Variants in KL observed in about 807,000 individuals in gnomAD.
KL encodes the protein klotho.
A neutral mutation model predicts 84.2 loss-of-function variants in KL; 62 were observed. That is an observed-to-expected ratio of 0.74 (90% CI 0.60 to 0.91). The LOEUF is 0.91. KL is among the 40% of genes least tolerant of loss of function. KL has a pLI of 0.00. For synonymous variants in KL, 528 were observed against 528.0 expected (o/e 1.00, Z 0.00); for missense variants, 1,261 against 1,305.7 (o/e 0.97, Z 0.53).
chr13:33,022,981 T>A (rs1212662225), intron 1 of KL, among the ~76,000 whole-genome samples: 1 of 152,224 alleles, frequency 6.6e-6, no homozygotes, highest in Non-Finnish European at 1.5e-5. Context: ...CCTAGGCAGA[T>A]ACGTTATGTG....
intron 3 of KL, among the ~76,000 whole-genome samples, chr13:33,058,524 T>A (rs2138239314): frequency 6.6e-6 from 1 of 152,150 alleles, no homozygotes; most frequent in African/African-American, 2.4e-5. Context: ...GTATTTTTAG[T>A]AGAGACCGGG....
In KL at chr13:33,064,009, G is replaced by A. The variant is rs387907447; in HGVS notation, c.2862G>A (p.Pro954=). 164 of 1,613,980 alleles carry A rather than the reference G, an allele frequency of 1.0e-4. No individual in the cohort carries two copies. The highest frequency in any genetic ancestry group is 1.3e-4 in the Non-Finnish European group (150 of 1,180,024). The change falls in exon 5 of 5, where the codon CCG becomes CCA. Residue 954 remains proline, a synonymous_variant. Transcript: ENST00000380099. ...AAATTATTGACAGCAATGGTTTCCC[G>A]GGCCCAGAAACTCTGGAAAGATTTT... ...YRKIIDSNGF[P]GPETLERFCP...
intron 4 of KL, among the ~76,000 whole-genome samples, chr13:33,063,434 T>C (rs1052336038): frequency 2.6e-5 from 4 of 152,102 alleles, no homozygotes; most frequent in African/African-American, 9.6e-5. Flanking sequence ...TCTAATTGAG[T>C]CTGAAGTTGT....
chr13:33,061,497 A>G lies in KL; in HGVS notation c.2418A>G (p.Leu806=). 1 of 1,614,188 alleles carries G rather than the reference A, an allele frequency of 6.2e-7. No individual in the cohort carries two copies. Among genetic ancestry groups the G allele is most frequent in the Non-Finnish European group, 8.5e-7 (1 of 1,180,026 alleles). The change falls in exon 4 of 5, where the codon TTA becomes TTG. Residue 806 remains leucine (L), a synonymous_variant. Coordinates refer to ENST00000380099, the MANE Select transcript of KL (RefSeq NM_004795.4). The part of the protein sequence containing the change: ...LIQGTFDFLA[L]SHYTTILVDS... Reference sequence around the variant, plus strand: ...AGGGTACCTTTGACTTTTTGGCTTTAAGCCATTATACCACCATCCTTGTAG... The same window carrying G: ...AGGGTACCTTTGACTTTTTGGCTTTGAGCCATTATACCACCATCCTTGTAG...
intron 1 of KL, among the ~76,000 whole-genome samples, chr13:33,036,399 CCACA>C (rs781383443): frequency 6.7e-6 from 1 of 150,194 alleles, no homozygotes; most frequent in Admixed American, 6.7e-5. Flanking sequence ...TGCACACACA[CCACA>C]CACACACCAC....
chr13:33,063,429 T>C (rs1222674502), intron 4 of KL, among the ~76,000 whole-genome samples: 2 of 152,052 alleles, frequency 1.3e-5, no homozygotes, highest in African/African-American at 4.8e-5. Flanking sequence ...TGAAATCTAA[T>C]TGAGTCTGAA....
At chr13:33,041,947 C>T (rs574409723) in intron 1 of KL, among the ~76,000 whole-genome samples, 16 of 152,182 alleles carry the variant, frequency 1.1e-4, no homozygotes, top group Non-Finnish European at 1.9e-4. Context: ...TTTGTTATCT[C>T]TCTTCTTCCC....
At chr13:33,060,234 C>T (rs1371664229) in intron 3 of KL, among the ~76,000 whole-genome samples, 3 of 152,098 alleles carry the variant, frequency 2.0e-5, no homozygotes, top group Admixed American at 6.5e-5. Context: ...CATGAGCCAC[C>T]GCACCTGGCC....
At chr13:33,031,131 A>G (rs1175930861) in intron 1 of KL, among the ~76,000 whole-genome samples, 4 of 152,246 alleles carry the variant, frequency 2.6e-5, no homozygotes, top group Non-Finnish European at 5.9e-5. Context: ...CAATGAATGT[A>G]TAGACATGTA....
At chr13:33,022,345 C>T (rs145034230) in intron 1 of KL, among the ~76,000 whole-genome samples, 1 of 152,190 alleles carries the variant, frequency 6.6e-6, no homozygotes, top group African/African-American at 2.4e-5. Flanking sequence ...TTAATTTGTG[C>T]AAAAGTTGTC....
In KL at chr13:33,051,244, G is replaced by A. The variant is rs558260854; in HGVS notation, c.820-2523G>A. ...ATTAAGGAATGTGGCCAACTCAAGA[G>A]TGACGAAGGCCAGGTGCGGTGGCTC... On this transcript the variant is annotated intron_variant, in intron 1 of 4. Coordinates refer to ENST00000380099, the MANE Select transcript of KL (RefSeq NM_004795.4). 4.6e-5 allele frequency among the ~76,000 whole-genome samples: 7 copies of A among 152,286 alleles called. No homozygotes were observed. The South Asian group carries it at 1.2e-3, about 27-fold the overall frequency.
chr13:33,017,113 C>T lies in KL; in HGVS notation c.673C>T (p.Arg225Cys). The T allele has an allele frequency of 1.2e-6, 2 of 1,604,934 alleles. No individual in the cohort carries two copies. Among genetic ancestry groups the T allele is most frequent in the African/African-American group, 1.3e-5 (1 of 75,052 alleles). The change falls in exon 1 of 5, where the codon CGC (arginine) becomes TGC (cysteine). Residue 225 changes from arginine (R) to cysteine (C), a missense_variant. By Grantham distance (180) the Arg-to-Cys change is radical (BLOSUM62 -3). Transcript: ENST00000380099. ...HFRDYAELCF[R>C]HFGGQVKYWI... ...CAGGGATTACGCGGAGCTCTGCTTC[C>T]GCCACTTCGGCGGTCAGGTCAAGTA...
At chr13:33,030,218 A>G (rs1294295072) in intron 1 of KL, among the ~76,000 whole-genome samples, 1 of 152,172 alleles carries the variant, frequency 6.6e-6, no homozygotes, top group Non-Finnish European at 1.5e-5. Flanking sequence ...GGTCTCGCTT[A>G]ATACTATTAC....
chr13:33,026,784 A>G (rs1391515096), intron 1 of KL, among the ~76,000 whole-genome samples: 3 of 152,210 alleles, frequency 2.0e-5, no homozygotes, highest in African/African-American at 7.2e-5. Context: ...CCCCATGAGC[A>G]TATTCCTGAG....
chr13:33,043,659 A>G (rs1306383247), intron 1 of KL, among the ~76,000 whole-genome samples: 2 of 152,150 alleles, frequency 1.3e-5, no homozygotes, highest in Non-Finnish European at 2.9e-5. Context: ...CTCTTGTGAA[A>G]TATCTATTCA....
Position 33,055,104 on chromosome 13 carries a change from G to C in KL, c.1388G>C (p.Gly463Ala). 1 of 1,614,160 alleles carries C rather than the reference G, an allele frequency of 6.2e-7. No individual in the cohort carries two copies. Among genetic ancestry groups the C allele is most frequent in the Non-Finnish European group, 8.5e-7 (1 of 1,180,040 alleles). The change falls in exon 3 of 5, where the codon GGT becomes GCT. Residue 463 changes from glycine (G) to alanine (A), a missense_variant. Coordinates refer to ENST00000380099, the MANE Select transcript of KL (RefSeq NM_004795.4). The part of the protein sequence containing the change: ...IGYTAWSLMD[G>A]FEWHRGYSIR... ...TATACCGCATGGTCCCTCATGGATG[G>C]TTTCGAGTGGCACAGAGGTTACAGC... is the stretch of plus-strand genomic sequence containing the variant.
intron 1 of KL, among the ~76,000 whole-genome samples, chr13:33,037,788 C>G (rs1356430126): frequency 6.6e-6 from 1 of 151,992 alleles, no homozygotes; most frequent in Non-Finnish European, 1.5e-5. Flanking sequence ...ACATGTGGGG[C>G]AGAAGCAACC....
At chr13:33,023,687 T>C (rs974140801) in intron 1 of KL, among the ~76,000 whole-genome samples, 1 of 150,500 alleles carries the variant, frequency 6.6e-6, no homozygotes, top group Non-Finnish European at 1.5e-5. Context: ...CCAGTTTCAA[T>C]AGATTTTTTT....
Position 33,054,122 on chromosome 13 carries a change from C to A in KL, c.1175C>A (p.Pro392His). The A allele has an allele frequency of 2.5e-6, 4 of 1,613,888 alleles. No homozygotes were observed. The highest frequency in any genetic ancestry group is 3.4e-6 in the Non-Finnish European group (4 of 1,179,980). Residue 392 changes from proline to histidine, a missense_variant, in exon 2 of 5, where the codon CCC (proline) becomes CAC (histidine). Pro to His is a moderately conservative substitution (Grantham distance 77). Coordinates refer to ENST00000380099, the MANE Select transcript of KL (RefSeq NM_004795.4). ...ATGAAGTTCCGCCAATTGGAATCTCCCAACCTGAGGCAACTGCTTTCCTGG... is the reference window on the plus strand; with the variant it reads ...ATGAAGTTCCGCCAATTGGAATCTCACAACCTGAGGCAACTGCTTTCCTGG... ...PHMKFRQLESPNLRQLLSWID... is the reference protein window; with the variant it reads ...PHMKFRQLESHNLRQLLSWID...
Sources: allele counts gnomAD v4.1 joint callset (sites outside exome capture counted in the v4.1 genomes callset), GRCh38; gene constraint gnomAD v4.1.1; transcripts MANE v1.5; gene names NCBI Gene and HGNC (gene_info 2026-07-23, HGNC 2026-07-21).